GCN1: variants seen among roughly 807,000 people sequenced by gnomAD.
GCN1 encodes GCN1 activator of EIF2AK4.
In GCN1, 90 loss-of-function variants were observed where a neutral mutation model predicts 288.4. That is an observed-to-expected ratio of 0.31 (90% CI 0.26 to 0.37). GCN1 has a LOEUF of 0.37. Ranked by LOEUF, GCN1 falls within the 10% of genes least tolerant of loss-of-function variation. The pLI is 1.00. For synonymous variants in GCN1, 1,386 were observed against 1,420.2 expected (o/e 0.98, Z 0.54); for missense variants, 2,586 against 3,419.9 (o/e 0.76, Z 6.08).
At chr12:120,171,267 A>G (rs1371749796) in intron 14 of GCN1, among the ~76,000 whole-genome samples, 1 of 152,070 alleles carries the variant, frequency 6.6e-6, no homozygotes, top group Non-Finnish European at 1.5e-5. Flanking sequence ...GGAGTTCAAG[A>G]CCAGCCTGGC....
chr12:120,186,167 C>T (rs1033615071), intron 2 of GCN1, among the ~76,000 whole-genome samples: 1 of 151,926 alleles, frequency 6.6e-6, no homozygotes, highest in African/African-American at 2.4e-5. Context: ...GGTGAAACCC[C>T]GTCTCTCCTA....
At position 120,134,884 on chromosome 12, in the gene GCN1, A is replaced by G. The variant is rs954001290; in HGVS notation, c.7009-158T>C. Among the ~76,000 whole-genome samples the G allele has an allele frequency of 3.9e-5, 6 of 152,190 alleles. No individual in the cohort carries two copies. Among genetic ancestry groups the G allele is most frequent in the Admixed American group, 1.3e-4 (2 of 15,284 alleles). On this transcript the variant is annotated intron_variant, in intron 51 of 57. Transcript: ENST00000300648. The surrounding 1 kb of genome is among the most constrained non-coding windows in gnomAD (Gnocchi z 5.0). ...ATAGCCCGTCAGAGAGGCCAAACAC[A>G]GACAGGTTTCGCTTGGCCTCCTGGT...
At chr12:120,162,701 G>T in intron 20 of GCN1, 146 bp downstream of exon 20, 1 of 904,818 alleles carries the variant, frequency 1.1e-6, no homozygotes, top group Non-Finnish European at 1.7e-6. Flanking sequence ...GCTTAAACCA[G>T]TTTACATTTC....
At position 120,142,592 on chromosome 12, in the gene GCN1, G is replaced by A; in HGVS notation, c.5744C>T (p.Thr1915Ile). ...LHVWKIVVSN[T>I]PRTLREILPT... ...TAGGATCTCACGCAAGGTGCGGGGGGTATTGGAGACAACAATCTTCCAGAC... is the reference window on the plus strand; with the variant it reads ...TAGGATCTCACGCAAGGTGCGGGGGATATTGGAGACAACAATCTTCCAGAC... The change falls in exon 44 of 58, where the codon ACC (threonine) becomes ATC (isoleucine). Residue 1915 changes from threonine to isoleucine, a missense_variant. Transcript: ENST00000300648. This position sits in a 1 kb window ranked among gnomAD's most constrained non-coding sequence, Gnocchi z 4.9. 6.2e-7 allele frequency: 1 copy of A among 1,614,006 alleles called. No homozygotes were observed. Among genetic ancestry groups the A allele is most frequent in the African/African-American group, 1.3e-5 (1 of 75,042 alleles).
Position 120,155,671 on chromosome 12 carries a change from T to C in GCN1, c.3361A>G (p.Lys1121Glu). 6.2e-7 allele frequency: 1 copy of C among 1,613,938 alleles called. No homozygotes were observed. The highest frequency in any genetic ancestry group is 1.1e-5 in the South Asian group (1 of 91,060). Reference protein sequence around the residue: ...MVLPAPDTDEKNGLNLLRRLW... With the variant: ...MVLPAPDTDEENGLNLLRRLW... ...CTCCGCAGAAGGTTCAGGCCATTCTTCTCATCAGTATCAGGTGCTGGCAAT... is the reference window on the plus strand; with the variant it reads ...CTCCGCAGAAGGTTCAGGCCATTCTCCTCATCAGTATCAGGTGCTGGCAAT... The change falls in exon 29 of 58, where the codon AAG becomes GAG. Residue 1121 changes from lysine (K) to glutamate (E), a missense_variant. Lys to Glu is a moderately conservative substitution (Grantham distance 56). Around this residue, in one of 8 missense-constraint regions of GCN1, gnomAD observed 332 missense variants for 403.0 expected, o/e 0.82. Coordinates refer to ENST00000300648, the MANE Select transcript of GCN1 (RefSeq NM_006836.2). The surrounding 1 kb of genome is among the most constrained non-coding windows in gnomAD (Gnocchi z 4.9).
At chr12:120,159,266 C>T (rs1316751977) in intron 24 of GCN1, among the ~76,000 whole-genome samples, 1 of 152,166 alleles carries the variant, frequency 6.6e-6, no homozygotes, top group African/African-American at 2.4e-5. Context: ...GTTTCATATG[C>T]ACCAGCTGAC....
At chr12:120,133,989 GAT>G (rs1048392585) in intron 53 of GCN1, among the ~76,000 whole-genome samples, 25 of 152,166 alleles carry the variant, frequency 1.6e-4, no homozygotes, top group African/African-American at 6.0e-4. Flanking sequence ...AGAATCGCTT[GAT>G]AGGAGGCGGA....
intron 9 of GCN1, among the ~76,000 whole-genome samples, chr12:120,176,684 G>A (rs1408355067): frequency 6.6e-6 from 1 of 152,242 alleles, no homozygotes; most frequent in South Asian, 2.1e-4. Flanking sequence ...TGATCCAGTG[G>A]GTTCTTGAAC....
chr12:120,150,252 G>A (rs547756154), intron 34 of GCN1, among the ~76,000 whole-genome samples: 2 of 152,114 alleles, frequency 1.3e-5, no homozygotes, highest in Non-Finnish European at 2.9e-5. Context: ...TGAGCGAAAG[G>A]GAGGACAGCA....
intron 22 of GCN1, among the ~76,000 whole-genome samples, chr12:120,160,956 C>G (rs916931883): frequency 6.6e-6 from 1 of 152,182 alleles, no homozygotes; most frequent in African/African-American, 2.4e-5. Flanking sequence ...GACAAGCTGG[C>G]CACCTCTCTG....
chr12:120,178,776 C>A lies in GCN1; in HGVS notation c.526-17G>T. 6.2e-7 allele frequency: 1 copy of A among 1,614,232 alleles called. No individual in the cohort carries two copies. Among genetic ancestry groups the A allele is most frequent in the Non-Finnish European group, 8.5e-7 (1 of 1,180,026 alleles). ...CCCGGGGTTCTGAAGAGGAAAGTGC[C>A]AGGCAGGTGTTTAAGATGGCAGTGG... On this transcript the variant is annotated splice_polypyrimidine_tract_variant and intron_variant, in intron 6 of 57. Coordinates refer to ENST00000300648, the MANE Select transcript of GCN1 (RefSeq NM_006836.2).
At chr12:120,138,905 GAGC>G (rs757906347) in intron 45 of GCN1, 49 bp from the exon 46 acceptor site, 1 of 1,537,642 alleles carries the variant, frequency 6.5e-7, no homozygotes. Context: ...GGCAAAGAAG[GAGC>G]AGAAGCAGAC....
intron 38 of GCN1, 23 bp from the exon 39 acceptor site, chr12:120,145,353 T>C: frequency 6.5e-7 from 1 of 1,539,122 alleles, no homozygotes; most frequent in Admixed American, 2.0e-5. Flanking sequence ...AGGAGGCGGC[T>C]CAGGTGAGGC....
rs201362488 is a variant in GCN1, at chr12:120,178,915, C to G, written c.462G>C (p.Leu154=). The part of the protein sequence containing the change: ...EVQCLLLLEV[L]GGSHKHAVDG... ...CCACGGCGTGCTTGTGGGAGCCACC[C>G]AGCACCTCCAGCAAGAGCAGGCACT... Residue 154 remains leucine, a synonymous_variant, in exon 6 of 58, where the codon CTG becomes CTC. Coordinates refer to ENST00000300648, the MANE Select transcript of GCN1 (RefSeq NM_006836.2). 1.5e-4 allele frequency: 244 copies of G among 1,613,836 alleles called. No homozygotes were observed. Among genetic ancestry groups the G allele is most frequent in the Admixed American group, 4.7e-4 (28 of 59,986 alleles).
intron 56 of GCN1, 104 bp downstream of exon 56, chr12:120,130,542 C>T (rs1876781649): frequency 1.3e-6 from 1 of 768,726 alleles, no homozygotes; most frequent in Non-Finnish European, 2.4e-6. Flanking sequence ...CCACGGAGAA[C>T]TAGCACACAA....
At chr12:120,169,627 C>A (rs1449721982) in intron 15 of GCN1, among the ~76,000 whole-genome samples, 1 of 152,118 alleles carries the variant, frequency 6.6e-6, no homozygotes, top group African/African-American at 2.4e-5. Context: ...CCTCAGCCTC[C>A]CGAGTAGCTG....
Position 120,158,182 on chromosome 12 carries a change from G to GC in GCN1, c.2906-153dup. 1 of 739,576 alleles carries GC rather than the reference G, an allele frequency of 1.4e-6. No individual in the cohort carries two copies. Among genetic ancestry groups the GC allele is most frequent in the Non-Finnish European group, 2.2e-6 (1 of 457,942 alleles). 45.8% of individuals were successfully genotyped at this position (739,576 alleles called of 1,614,324 possible). A position where few individuals can be genotyped will look rare whatever the true frequency, so the allele number is the denominator to read the frequency against. ...ACATGGCACGAGGACAGAGACAGCA[G>GC]CTGGTAGTCCAGTTCTAAAACCAAT... On this transcript the variant is annotated intron_variant, in intron 25 of 57. Coordinates refer to ENST00000300648, the MANE Select transcript of GCN1 (RefSeq NM_006836.2). The surrounding 1 kb of genome is among the most constrained non-coding windows in gnomAD (Gnocchi z 4.3).
chr12:120,159,708 C>T (rs1433252578), intron 24 of GCN1, 117 bp downstream of exon 24: 2 of 853,930 alleles, frequency 2.3e-6, no homozygotes, highest in Admixed American at 4.0e-5. Flanking sequence ...CACAAGAAAA[C>T]AAAACTCAGC....
rs1877774839 is a variant in GCN1 at position 120,157,123 on chromosome 12, C to T, written c.3088-131G>A. 3 of 633,056 alleles carry T rather than the reference C, an allele frequency of 4.7e-6. No individual in the cohort carries two copies. In the Admixed American group the frequency reaches 7.5e-5, roughly 16 times the overall value. 39.2% of individuals were successfully genotyped at this position (633,056 alleles called of 1,614,324 possible). ...ATACAACCGGCCCCACCACAGAAAC[C>T]TCATTAAGTTTACAACTAGGTCCAC... On this transcript the variant is annotated intron_variant, in intron 26 of 57. Transcript: ENST00000300648.
Sources: allele counts gnomAD v4.1 joint callset (sites outside exome capture counted in the v4.1 genomes callset), GRCh38; gene constraint gnomAD v4.1.1; regional missense constraint gnomAD v4.1.1; non-coding constraint Gnocchi (gnomAD v3.1); transcripts MANE v1.5; gene names NCBI Gene and HGNC (gene_info 2026-07-23, HGNC 2026-07-21).